CAGE1: variants seen among roughly 807,000 people sequenced by gnomAD.
CAGE1 encodes the protein cancer-associated gene 1 protein.
CAGE1 carries 66 observed loss-of-function variants against 94.9 expected under a neutral mutation model. The ratio of observed to expected loss-of-function variants is 0.70; its 90% CI spans 0.57 to 0.85. The LOEUF (loss-of-function observed/expected upper bound fraction) is 0.85, where lower values mean the gene tolerates loss of function less well. CAGE1 is among the 40% of genes least tolerant of loss of function. The pLI is 0.00. For missense variants in CAGE1, 865 were observed against 950.4 expected, an observed-to-expected ratio of 0.91 and a Z score of 1.18; for synonymous variants, 319 against 321.0, an observed-to-expected ratio of 0.99 and a Z score of 0.07.
chr6:7,351,999 T>A (rs192438806), intron 11 of CAGE1, among the ~76,000 whole-genome samples: 1 of 151,184 alleles, frequency 6.6e-6, no homozygotes, highest in Admixed American at 6.6e-5. Flanking sequence ...CTCTCACCAC[T>A]TCTCTTCAAC....
chr6:7,370,107 A>G, intron 5 of CAGE1, 42 bp from the exon 6 acceptor site: 1 of 1,456,224 alleles, frequency 6.9e-7, no homozygotes, highest in South Asian at 1.4e-5. Context: ...AATGATGAAG[A>G]ACCTGAAATA....
rs1160076415 is a variant in CAGE1, at chr6:7,373,029, ACT to A, written c.1746+42_1746+43del. 8.7e-6 allele frequency: 12 copies of A among 1,384,254 alleles called. No individual in the cohort carries two copies. In the African/African-American group the frequency reaches 8.7e-5, roughly 10 times the overall value. 85.7% of individuals were successfully genotyped at this position (1,384,254 alleles called of 1,614,324 possible). A position where few individuals can be genotyped will look rare whatever the true frequency, so the allele number is the denominator to read the frequency against. ...AATACGCATCACTAGACCACTAGAA[ACT>A]CTTGAAATTCCGCATTAGAGATTTA... On this transcript the variant is annotated intron_variant, in intron 5 of 13. Transcript: ENST00000502583.
intron 11 of CAGE1, among the ~76,000 whole-genome samples, chr6:7,334,968 G>A (rs1758899728): frequency 1.3e-5 from 2 of 152,108 alleles, no homozygotes; most frequent in Non-Finnish European, 2.9e-5. Context: ...AGCTTCACCG[G>A]CCTGAAATCA....
intron 9 of CAGE1, among the ~76,000 whole-genome samples, chr6:7,358,069 T>TATGC (rs1246871444): frequency 8.4e-6 from 1 of 119,252 alleles, no homozygotes; most frequent in African/African-American, 3.2e-5. Flanking sequence ...TATATATATA[T>TATGC]ATGCCTCCAA....
intron 1 of CAGE1, 80 bp from the exon 2 acceptor site, chr6:7,387,276 A>G (rs527343600): frequency 1.4e-6 from 1 of 708,840 alleles, no homozygotes; most frequent in East Asian, 2.7e-5. Flanking sequence ...AGAAAGTAGC[A>G]AAGTTCACTG....
At position 7,358,387 on chromosome 6, in the gene CAGE1, A is replaced by T. The variant is rs570912654; in HGVS notation, c.2194-2258T>A. Among the ~76,000 whole-genome samples the T allele has an allele frequency of 2.6e-5, 4 of 152,130 alleles. No homozygotes were observed. The South Asian group carries it at 8.3e-4, about 32-fold the overall frequency. The stretch of plus-strand genomic sequence containing the variant: ...GTAGTTCATCCCTTTTTTATGACTG[A>T]GGAGTATTTTCATTGAATGAATATA... On this transcript the variant is annotated intron_variant, in intron 9 of 13. Coordinates refer to ENST00000502583, the MANE Select transcript of CAGE1 (RefSeq NM_001170692.2).
chr6:7,342,178 G>GC, intron 11 of CAGE1: 4 of 1,005,514 alleles, frequency 4.0e-6, no homozygotes, highest in Non-Finnish European at 4.8e-6. Context: ...GGACAGTTGG[G>GC]CCCCCTGCCC....
intron 11 of CAGE1, among the ~76,000 whole-genome samples, chr6:7,337,285 C>T (rs951874940): frequency 1.4e-5 from 2 of 147,940 alleles, no homozygotes; most frequent in African/African-American, 5.1e-5. Context: ...CAAGATTGCA[C>T]CACTGCCCTC....
intron 9 of CAGE1, among the ~76,000 whole-genome samples, chr6:7,358,340 C>A (rs1235976401): frequency 6.6e-6 from 1 of 151,790 alleles, no homozygotes; most frequent in Non-Finnish European, 1.5e-5. Flanking sequence ...TTTTGAGGTT[C>A]TTCTATGTTG....
At chr6:7,354,424 T>C (rs1759883888) in intron 11 of CAGE1, among the ~76,000 whole-genome samples, 1 of 152,202 alleles carries the variant, frequency 6.6e-6, no homozygotes, top group African/African-American at 2.4e-5. Flanking sequence ...GCATGCACTT[T>C]TAATTATTTT....
intron 1 of CAGE1, among the ~76,000 whole-genome samples, chr6:7,387,581 T>C (rs1761161118): frequency 8.2e-6 from 1 of 122,224 alleles, no homozygotes; most frequent in African/African-American, 3.4e-5. Context: ...AAACCCAGCA[T>C]TGTAACTGTT....
At chr6:7,344,437 C>A (rs1433079745) in intron 11 of CAGE1, among the ~76,000 whole-genome samples, 1 of 152,242 alleles carries the variant, frequency 6.6e-6, no homozygotes, top group Non-Finnish European at 1.5e-5. Flanking sequence ...TCTCACCGTG[C>A]CTTAGCTGCC....
chr6:7,347,751 G>T (rs1384927756), intron 11 of CAGE1, among the ~76,000 whole-genome samples: 2 of 152,054 alleles, frequency 1.3e-5, no homozygotes, highest in African/African-American at 4.8e-5. Flanking sequence ...AGTGAGACAG[G>T]CCCTTTGGAT....
chr6:7,346,599 C>A (rs1387498122), intron 11 of CAGE1, among the ~76,000 whole-genome samples: 1 of 151,764 alleles, frequency 6.6e-6, no homozygotes, highest in East Asian at 1.9e-4. Flanking sequence ...GTAATCCCAG[C>A]ACTTTGGGAG....
Position 7,373,250 on chromosome 6 carries a change from A to G in CAGE1, c.1569T>C (p.Ser523=), listed in dbSNP as rs1304801447. 6.2e-7 allele frequency: 1 copy of G among 1,604,554 alleles called. No individual in the cohort carries two copies. Residue 523 remains serine (S), a synonymous_variant, in exon 5 of 14, where the codon TCT becomes TCC. Coordinates refer to ENST00000502583, the MANE Select transcript of CAGE1 (RefSeq NM_001170692.2). The part of the protein sequence containing the change: ...LTQVRNLQFM[S]ENERTKNIKL... ...TTATATTCTTCGTTCTTTCATTTTC[A>G]GACATAAATTGCAAATTTCTAACTT... is the stretch of plus-strand genomic sequence containing the variant.
chr6:7,328,932 A>AT (rs556084338), intron 13 of CAGE1, among the ~76,000 whole-genome samples: 9,238 of 103,352 alleles, frequency 0.089, 748 homozygotes, highest in East Asian at 0.19. Context: ...ATATATATAT[A>AT]TATTTTTTTT....
At chr6:7,385,667 T>C (rs1240526014) in intron 3 of CAGE1, 118 bp downstream of exon 3, 11 of 460,748 alleles carry the variant, frequency 2.4e-5, no homozygotes, top group Non-Finnish European at 3.8e-6. Flanking sequence ...GATTTTTTTG[T>C]GGATTAAGTG....
chr6:7,358,027 G>GATATTTATATATATATATATAT (rs1760022194), intron 9 of CAGE1, among the ~76,000 whole-genome samples: 1 of 48,076 alleles, frequency 2.1e-5, no homozygotes, highest in Non-Finnish European at 4.3e-5. Context: ...TAAGTTTTGA[G>GATATTTATATATATATATATAT]ATATATATAT....
intron 11 of CAGE1, among the ~76,000 whole-genome samples, chr6:7,346,235 TATAAC>T (rs1352641726): frequency 6.6e-6 from 1 of 152,136 alleles, no homozygotes; most frequent in Non-Finnish European, 1.5e-5. Context: ...TCTTCATGGA[TATAAC>T]AGACTAGATT....
Sources: allele counts gnomAD v4.1 joint callset (sites outside exome capture counted in the v4.1 genomes callset), GRCh38; gene constraint gnomAD v4.1.1; transcripts MANE v1.5; gene names NCBI Gene and HGNC (gene_info 2026-07-23, HGNC 2026-07-21).